Variants in CR1L observed in about 807,000 individuals in gnomAD.
The protein encoded by CR1L is complement component receptor 1-like protein.
CR1L carries 59 observed loss-of-function variants against 62.3 expected under a neutral mutation model. The observed-to-expected ratio is 0.95, with a 90% CI of 0.77 to 1.18. CR1L has a LOEUF of 1.18. Among genes scored for constraint, CR1L ranks in the 50% most tolerant of loss-of-function variants. CR1L has a pLI of 0.00. For missense variants in CR1L, 700 were observed against 702.8 expected (o/e 1.00, Z 0.04); for synonymous variants, 279 against 248.7 (o/e 1.12, Z -1.15).
At chr1:207,678,423 A>G (rs1356975801) in intron 3 of CR1L, 126 bp downstream of exon 3, 7 of 768,276 alleles carry the variant, frequency 9.1e-6, no homozygotes, top group Non-Finnish European at 1.5e-5. Context: ...AGGCTTCAAC[A>G]CAGGTGCTTA....
chr1:207,708,404 G>A (rs1664304074), intron 10 of CR1L, 141 bp downstream of exon 10: 5 of 1,130,680 alleles, frequency 4.4e-6, no homozygotes, highest in Admixed American at 2.3e-5. Context: ...CCTTAAAATG[G>A]CTCACAGCAT....
Position 207,697,791 on chromosome 1 carries a change from C to A in CR1L, c.1060C>A (p.Leu354Met), listed in dbSNP as rs770898546. ...RCEVKSCDDF[L>M]GQLPNGHVLF... ...TCCAGTGAAATCCTGTGATGACTTC[C>A]TGGGCCAACTTCCTAATGGCCATGT... is the stretch of plus-strand genomic sequence containing the variant. The change falls in exon 7 of 12, where the codon CTG becomes ATG. Residue 354 changes from leucine to methionine, a missense_variant. By Grantham distance (15) the Leu-to-Met change is conservative (BLOSUM62 2). Transcript: ENST00000508064. 6 of 1,613,846 alleles carry A rather than the reference C, an allele frequency of 3.7e-6. No individual in the cohort carries two copies. The highest frequency in any genetic ancestry group is 2.7e-5 in the African/African-American group (2 of 74,914).
intron 1 of CR1L, among the ~76,000 whole-genome samples, chr1:207,670,758 ATAAAACT>A: frequency 6.6e-6 from 1 of 151,350 alleles, no homozygotes; most frequent in Middle Eastern, 3.4e-3. Flanking sequence ...AAGAGATATG[ATAAAACT>A]TACAATTTTA....
chr1:207,718,446 G>A (rs1197280929), intron 11 of CR1L, among the ~76,000 whole-genome samples: 1 of 152,186 alleles, frequency 6.6e-6, no homozygotes, highest in Admixed American at 6.5e-5. Context: ...TTTTGAGATG[G>A]AGTCTTGCAC....
At chr1:207,664,204 C>G (rs750375426) in intron 1 of CR1L, among the ~76,000 whole-genome samples, 39 of 152,298 alleles carry the variant, frequency 2.6e-4, no homozygotes, top group South Asian at 8.3e-4. Context: ...TTCCTTGCAG[C>G]AGAAGCAAGA....
chr1:207,681,668 T>G (rs1189499748), intron 3 of CR1L, among the ~76,000 whole-genome samples: 1 of 152,208 alleles, frequency 6.6e-6, no homozygotes, highest in Non-Finnish European at 1.5e-5. Context: ...AATTTAAGTT[T>G]GAACTTGCTT....
chr1:207,679,153 A>ATTTTTTTT (rs34703217), intron 3 of CR1L, among the ~76,000 whole-genome samples: 66 of 90,286 alleles, frequency 7.3e-4, no homozygotes, highest in African/African-American at 1.5e-3. Context: ...GCCCACCACC[A>ATTTTTTTT]TTTTTTTTTT....
At chr1:207,721,298 C>G (rs1036399998) in intron 11 of CR1L, among the ~76,000 whole-genome samples, 1 of 151,168 alleles carries the variant, frequency 6.6e-6, no homozygotes, top group East Asian at 2.0e-4. Context: ...ACCACTAACT[C>G]GTCATCTAGC....
chr1:207,659,138 C>A (rs1399399075), intron 1 of CR1L: 1 of 152,388 alleles, frequency 6.6e-6, no homozygotes, highest in African/African-American at 2.4e-5. Context: ...CTGATGGAGA[C>A]CTGAGCCACA....
intron 10 of CR1L, among the ~76,000 whole-genome samples, chr1:207,716,719 G>A (rs1233758595): frequency 6.6e-5 from 10 of 152,218 alleles, no homozygotes; most frequent in African/African-American, 2.2e-4. Flanking sequence ...TAAAATTCAA[G>A]CATGAGAAGT....
chr1:207,694,307 T>G (rs1331652955), intron 4 of CR1L, 46 bp from the exon 5 acceptor site: 2 of 1,607,622 alleles, frequency 1.2e-6, no homozygotes, highest in Non-Finnish European at 1.7e-6. Flanking sequence ...ACTCGTGAGA[T>G]TTTTGTCATT....
intron 4 of CR1L, among the ~76,000 whole-genome samples, chr1:207,692,791 T>A (rs1664017085): frequency 6.6e-6 from 1 of 151,632 alleles, no homozygotes. Flanking sequence ...CCCCAGCCCG[T>A]AATAAAATCT....
At chr1:207,683,009 TTTTTC>T in intron 3 of CR1L, among the ~76,000 whole-genome samples, 1 of 95,740 alleles carries the variant, frequency 1.0e-5, no homozygotes, top group South Asian at 4.4e-4. Context: ...TCTTTCTTTC[TTTTTC>T]TTTCTTTCTT....
At chr1:207,701,033 T>C (rs1001503712) in intron 8 of CR1L, among the ~76,000 whole-genome samples, 2 of 152,234 alleles carry the variant, frequency 1.3e-5, no homozygotes, top group Admixed American at 1.3e-4. Context: ...TAAGAGTTTT[T>C]CTTGCAGGTC....
intron 10 of CR1L, among the ~76,000 whole-genome samples, chr1:207,709,814 G>C (rs1374341872): frequency 7.3e-6 from 1 of 136,222 alleles, no homozygotes; most frequent in Non-Finnish European, 1.5e-5. Flanking sequence ...TCCAGCCTGG[G>C]CAACAGAGAC....
chr1:207,719,703 A>T (rs940712780), intron 11 of CR1L, among the ~76,000 whole-genome samples: 8 of 151,942 alleles, frequency 5.3e-5, no homozygotes, highest in Non-Finnish European at 7.4e-5. Context: ...TGGACAACAA[A>T]CAAGACTCTG....
chr1:207,704,697 G>A (rs1177701992), intron 9 of CR1L, among the ~76,000 whole-genome samples: 1 of 152,176 alleles, frequency 6.6e-6, no homozygotes, highest in Non-Finnish European at 1.5e-5. Context: ...CTTATTGAAG[G>A]TCAGATAATC....
intron 10 of CR1L, chr1:207,711,230 G>A: frequency 9.4e-6 from 2 of 213,662 alleles, no homozygotes; most frequent in South Asian, 1.6e-4. Context: ...CAGCGGAGTG[G>A]GAGGTGTTAT....
intron 1 of CR1L, among the ~76,000 whole-genome samples, chr1:207,673,464 G>T (rs950090675): frequency 6.6e-6 from 1 of 152,152 alleles, no homozygotes; most frequent in Non-Finnish European, 1.5e-5. Flanking sequence ...AGTGTACTTC[G>T]GGTTGACAGC....
Sources: allele counts gnomAD v4.1 joint callset (sites outside exome capture counted in the v4.1 genomes callset), GRCh38; gene constraint gnomAD v4.1.1; transcripts MANE v1.5; gene names NCBI Gene and HGNC (gene_info 2026-07-23, HGNC 2026-07-21).